ANKRD12: variants seen among roughly 807,000 people sequenced by gnomAD.
ANKRD12 encodes the protein ankyrin repeat domain-containing protein 12.
A neutral mutation model predicts 183.4 loss-of-function variants in ANKRD12; 85 were observed. The ratio of observed to expected loss-of-function variants is 0.46; its 90% CI spans 0.39 to 0.56. The LOEUF (loss-of-function observed/expected upper bound fraction) is 0.56, where lower values mean the gene tolerates loss of function less well. Ranked by LOEUF, ANKRD12 falls within the 20% of genes least tolerant of loss-of-function variation. The pLI, the probability that ANKRD12 is intolerant of heterozygous loss-of-function variation, is 0.00. For synonymous variants in ANKRD12, 914 were observed against 800.2 expected (o/e 1.14, Z -2.40); for missense variants, 2,405 against 2,357.1 (o/e 1.02, Z -0.42).
chr18:9,154,787 G>T (rs555381735), intron 1 of ANKRD12, among the ~76,000 whole-genome samples: 1 of 152,272 alleles, frequency 6.6e-6, no homozygotes, highest in East Asian at 1.9e-4. Flanking sequence ...TGAATTTCTG[G>T]CTTAAGTGAT....
intron 8 of ANKRD12, among the ~76,000 whole-genome samples, chr18:9,248,516 T>G (rs1304001248): frequency 3.3e-5 from 5 of 152,228 alleles, no homozygotes; most frequent in Non-Finnish European, 5.9e-5. Context: ...TCAGTGAGCT[T>G]CTGAAGGAGG....
At chr18:9,223,415 C>T (rs534270164) in intron 8 of ANKRD12, among the ~76,000 whole-genome samples, 17 of 151,448 alleles carry the variant, frequency 1.1e-4, no homozygotes, top group Admixed American at 3.9e-4. Flanking sequence ...GCCACCATGC[C>T]GGCTAATATT....
At position 9,256,623 on chromosome 18, in the gene ANKRD12, A is replaced by C. The variant is rs749595788; in HGVS notation, c.3356A>C (p.Lys1119Thr). 6 of 1,604,782 alleles carry C rather than the reference A, an allele frequency of 3.7e-6. No homozygotes were observed. Among genetic ancestry groups the C allele is most frequent in the African/African-American group, 1.4e-5 (1 of 74,058 alleles). The change falls in exon 9 of 13, where the codon AAA becomes ACA. Residue 1119 changes from lysine to threonine, a missense_variant. Physicochemically the swap from Lys to Thr is moderately conservative, Grantham distance 78. Transcript: ENST00000262126. ...RLRNRNCLEL[K>T]IKDKEKTKHT... ...AGAAACCGAAACTGTTTAGAACTTA[A>C]AATAAAAGATAAAGAAAAAACAAAG... is the stretch of plus-strand genomic sequence containing the variant.
intron 1 of ANKRD12, among the ~76,000 whole-genome samples, chr18:9,158,826 C>G (rs1450448399): frequency 6.6e-6 from 1 of 152,192 alleles, no homozygotes; most frequent in African/African-American, 2.4e-5. Flanking sequence ...TACTCATTCT[C>G]TCTCATTTAG....
At chr18:9,216,076 A>G (rs2036087848) in intron 6 of ANKRD12, among the ~76,000 whole-genome samples, 1 of 151,844 alleles carries the variant, frequency 6.6e-6, no homozygotes, top group Non-Finnish European at 1.5e-5. Context: ...ACTAAAGCAA[A>G]CAGTGGAAGA....
chr18:9,210,091 C>G (rs1244020742), intron 5 of ANKRD12, among the ~76,000 whole-genome samples: 1 of 151,876 alleles, frequency 6.6e-6, no homozygotes, highest in Non-Finnish European at 1.5e-5. Flanking sequence ...TTAGTCAACT[C>G]TCTATTAATA....
At chr18:9,269,538 A>G (rs1286827601) in intron 10 of ANKRD12, among the ~76,000 whole-genome samples, 2 of 152,236 alleles carry the variant, frequency 1.3e-5, no homozygotes, top group Non-Finnish European at 2.9e-5. Flanking sequence ...CCTATTTAAT[A>G]AATGGTGCTG....
Position 9,255,649 on chromosome 18 carries a change from G to C in ANKRD12, c.2382G>C (p.Glu794Asp). The C allele has an allele frequency of 6.3e-7, 1 of 1,577,472 alleles. No individual in the cohort carries two copies. The highest frequency in any genetic ancestry group is 8.5e-7 in the Non-Finnish European group (1 of 1,170,586). The stretch of plus-strand genomic sequence containing the variant: ...CTTCTTTGGGTATGAGTGCCATTGA[G>C]GAATCTATAGGGCTTCATTTAGTGG... ...EFTSLGMSAI[E>D]ESIGLHLVEK... The change falls in exon 9 of 13, where the codon GAG (glutamate) becomes GAC (aspartate). Residue 794 changes from glutamate to aspartate, a missense_variant. This residue lies in a region of ANKRD12 where 1,983 missense variants were observed against 1,725.9 expected (regional missense o/e 1.15). Transcript: ENST00000262126.
Position 9,202,134 on chromosome 18 carries a change from C to T in ANKRD12, c.236-2342C>T, listed in dbSNP as rs549713526. Among the ~76,000 whole-genome samples, 12 of 152,148 alleles carry T rather than the reference C, an allele frequency of 7.9e-5. No homozygotes were observed. The South Asian group carries it at 2.5e-3, about 32-fold the overall frequency. ...AGCAACCGCGCCCAGCCTTTTTTGG[C>T]ATTTTAAAAAGATAATGTGTTATGA... On this transcript the variant is annotated intron_variant, in intron 3 of 12. Transcript: ENST00000262126.
At chr18:9,216,073 CA>C (rs2036087676) in intron 6 of ANKRD12, among the ~76,000 whole-genome samples, 1 of 148,360 alleles carries the variant, frequency 6.7e-6, no homozygotes, top group African/African-American at 2.5e-5. Flanking sequence ...GAAACTAAAG[CA>C]AACAGTGGAA....
chr18:9,223,172 G>A (rs986432868), intron 8 of ANKRD12, among the ~76,000 whole-genome samples: 9 of 152,132 alleles, frequency 5.9e-5, no homozygotes, highest in African/African-American at 2.2e-4. Flanking sequence ...TAATCCCAGC[G>A]CTTTGGGAGG....
chr18:9,182,116 C>T (rs528072547), intron 1 of ANKRD12, among the ~76,000 whole-genome samples: 18 of 152,324 alleles, frequency 1.2e-4, no homozygotes, highest in African/African-American at 3.8e-4. Flanking sequence ...CGTTTTGTCA[C>T]TGCTTCCACT....
chr18:9,221,826 A>T (rs1222615379), intron 7 of ANKRD12, 26 bp from the exon 8 acceptor site: 1 of 1,612,406 alleles, frequency 6.2e-7, no homozygotes, highest in Admixed American at 1.7e-5. Flanking sequence ...GAAGGGACTA[A>T]GTCTTCCTGC....
chr18:9,149,028 T>C (rs551764208), intron 1 of ANKRD12, among the ~76,000 whole-genome samples: 11 of 152,120 alleles, frequency 7.2e-5, no homozygotes, highest in Non-Finnish European at 1.6e-4. Flanking sequence ...ACCAGCCCCA[T>C]CTATATCTAC....
intron 8 of ANKRD12, among the ~76,000 whole-genome samples, chr18:9,225,651 C>T (rs531448195): frequency 1.3e-5 from 2 of 152,238 alleles, no homozygotes; most frequent in Admixed American, 6.5e-5. Context: ...AATGATCTTC[C>T]ATCTTAAATT....
In ANKRD12 at chr18:9,238,206, T is replaced by C. The variant is rs968526762; in HGVS notation, c.944-16005T>C. On this transcript the variant is annotated intron_variant, in intron 8 of 12. Transcript: ENST00000262126. Reference sequence around the variant, plus strand: ...TCAATTTCCTCCTAGATTCTTGTCTTCGTAACTTCCTCATTTCCTTTCCAT... The same window carrying C: ...TCAATTTCCTCCTAGATTCTTGTCTCCGTAACTTCCTCATTTCCTTTCCAT... Among the ~76,000 whole-genome samples the C allele has an allele frequency of 1.4e-4, 22 of 152,218 alleles. 1 individual carries two copies. The highest frequency in any genetic ancestry group is 1.2e-3 in the Admixed American group (19 of 15,282).
intron 1 of ANKRD12, among the ~76,000 whole-genome samples, chr18:9,168,517 A>G (rs2032329057): frequency 1.3e-5 from 2 of 152,114 alleles, no homozygotes; most frequent in South Asian, 2.1e-4. Context: ...AGTGGTGTTT[A>G]TAGTATTCTC....
Position 9,284,674 on chromosome 18 carries a change from A to C in ANKRD12, c.*3548A>C, listed in dbSNP as rs2040183440. ...TGTACCTAAAATGGAGTTTTTTTTTAAGCCTCCACAGAGATAGTCACCCAA... is the reference window on the plus strand; with the variant it reads ...TGTACCTAAAATGGAGTTTTTTTTTCAGCCTCCACAGAGATAGTCACCCAA... On this transcript the variant is annotated 3_prime_UTR_variant, in exon 13 of 13. Coordinates refer to ENST00000262126, the MANE Select transcript of ANKRD12 (RefSeq NM_015208.5). 1 of 152,060 alleles carries C rather than the reference A, an allele frequency of 6.6e-6. No individual in the cohort carries two copies. The highest frequency in any genetic ancestry group is 6.6e-5 in the Admixed American group (1 of 15,254). The allele number at this position is 152,060 out of a possible 1,614,324, so 9.4% of individuals were successfully genotyped here.
chr18:9,211,618 T>G lies in ANKRD12; in HGVS notation c.486T>G (p.Pro162=). 1 of 1,613,898 alleles carries G rather than the reference T, an allele frequency of 6.2e-7. No individual in the cohort carries two copies. The highest frequency in any genetic ancestry group is 8.5e-7 in the Non-Finnish European group (1 of 1,179,894). ...STPNHPSQTT[P]AQKKTPSSSS... ...CAAATCATCCATCACAAACAACGCCTGCCCAAAAGAAAACTCCCAGTTCTT... is the reference window on the plus strand; with the variant it reads ...CAAATCATCCATCACAAACAACGCCGGCCCAAAAGAAAACTCCCAGTTCTT... The change falls in exon 6 of 13, where the codon CCT becomes CCG. Residue 162 remains proline, a synonymous_variant. Transcript: ENST00000262126.
Sources: gnomAD v4.1 joint callset for allele counts (sites outside exome capture counted in the v4.1 genomes callset) on GRCh38, gnomAD v4.1.1 for gene constraint, gnomAD v4.1.1 regional missense constraint, MANE v1.5 for transcripts, NCBI Gene and HGNC (gene_info 2026-07-23, HGNC 2026-07-21) for gene names.